Variants in SLC24A2 observed in about 807,000 individuals in gnomAD.
SLC24A2 encodes sodium/potassium/calcium exchanger 2.
In SLC24A2, 36 loss-of-function variants were observed where a neutral mutation model predicts 62.0. The observed-to-expected ratio is 0.58, with a 90% confidence interval of 0.44 to 0.77. The LOEUF (loss-of-function observed/expected upper bound fraction) is 0.77, where lower values mean the gene tolerates loss of function less well. Ranked by LOEUF, SLC24A2 falls within the 30% of genes least tolerant of loss-of-function variation. SLC24A2 has a pLI of 0.00. For synonymous variants in SLC24A2, 358 were observed against 294.0 expected, an observed-to-expected ratio of 1.22 and a Z score of -2.23; for missense variants, 846 against 817.9, an observed-to-expected ratio of 1.03 and a Z score of -0.42.
At chr9:19,687,327 A>G (rs1376610028) in intron 2 of SLC24A2, among the ~76,000 whole-genome samples, 1 of 152,130 alleles carries the variant, frequency 6.6e-6, no homozygotes, top group Non-Finnish European at 1.5e-5. Context: ...TGGGGTATGT[A>G]ATGTATAAAA....
the SLC24A2 span, among the ~76,000 whole-genome samples, chr9:20,167,508 T>G: frequency 6.6e-6 from 1 of 152,064 alleles, no homozygotes; most frequent in African/African-American, 2.4e-5. Flanking sequence ...GGTAGGCAGA[T>G]AAAGACCTAG....
At chr9:19,969,118 C>T in the SLC24A2 span, among the ~76,000 whole-genome samples, 18 of 149,530 alleles carry the variant, frequency 1.2e-4, no homozygotes, top group Non-Finnish European at 1.5e-5. Flanking sequence ...GTGTTTTAAA[C>T]CTGAATTCCT....
At chr9:19,594,543 C>G (rs1004335330) in intron 5 of SLC24A2, among the ~76,000 whole-genome samples, 10 of 152,272 alleles carry the variant, frequency 6.6e-5, no homozygotes, top group African/African-American at 2.4e-4. Flanking sequence ...GTCATGACCT[C>G]ACACAACATC....
chr9:19,533,778 T>TG (rs1833819147), intron 8 of SLC24A2, among the ~76,000 whole-genome samples: 1 of 152,198 alleles, frequency 6.6e-6, no homozygotes, highest in Non-Finnish European at 1.5e-5. Flanking sequence ...GCCACTAGGT[T>TG]GGGGTGGTAT....
chr9:20,173,629 A>T, the SLC24A2 span, among the ~76,000 whole-genome samples: 1 of 152,114 alleles, frequency 6.6e-6, no homozygotes, highest in African/African-American at 2.4e-5. Context: ...AACCTTAGGA[A>T]TATACCTAAC....
chr9:20,230,446 T>C, the SLC24A2 span, among the ~76,000 whole-genome samples: 1 of 152,232 alleles, frequency 6.6e-6, no homozygotes, highest in Admixed American at 6.5e-5. Context: ...TGACATGGTA[T>C]CTCATTGTGG....
intron 2 of SLC24A2, among the ~76,000 whole-genome samples, chr9:19,769,397 G>A (rs1454138948): frequency 6.6e-6 from 1 of 152,202 alleles, no homozygotes; most frequent in African/African-American, 2.4e-5. Flanking sequence ...GGGTCACTCT[G>A]CTCACACACT....
At chr9:19,556,295 C>T (rs4977559) in intron 7 of SLC24A2, among the ~76,000 whole-genome samples, 112,670 of 152,164 alleles carry the variant, frequency 0.74, 43,238 homozygotes, top group East Asian at 1. Flanking sequence ...ATCAGGTCTT[C>T]GGTGGAGAAG....
At chr9:19,689,838 T>A (rs557837482) in intron 2 of SLC24A2, among the ~76,000 whole-genome samples, 1 of 152,282 alleles carries the variant, frequency 6.6e-6, no homozygotes, top group Non-Finnish European at 1.5e-5. Context: ...ACATTACTTC[T>A]GCGTGTGTCT....
intron 5 of SLC24A2, 149 bp from the exon 6 acceptor site, chr9:19,577,171 A>C (rs1586987573): frequency 1.4e-6 from 1 of 727,256 alleles, no homozygotes; most frequent in East Asian, 2.6e-5. Flanking sequence ...ACCTTCCTGA[A>C]GGGTACTTTC....
At chr9:20,124,984 G>A in the SLC24A2 span, among the ~76,000 whole-genome samples, 3 of 152,152 alleles carry the variant, frequency 2.0e-5, no homozygotes, top group African/African-American at 7.2e-5. Flanking sequence ...AATAGATCTA[G>A]ATTCAAATCC....
intron 2 of SLC24A2, among the ~76,000 whole-genome samples, chr9:19,736,532 T>A (rs1275774346): frequency 3.3e-5 from 5 of 152,048 alleles, no homozygotes; most frequent in Non-Finnish European, 7.4e-5. Flanking sequence ...TTTAAAGCCA[T>A]AAGAATTTCT....
At chr9:19,606,775 C>T (rs1836995585) in intron 4 of SLC24A2, among the ~76,000 whole-genome samples, 1 of 152,116 alleles carries the variant, frequency 6.6e-6, no homozygotes, top group Non-Finnish European at 1.5e-5. Context: ...TCCTTTGAGC[C>T]CGGGGACAAC....
chr9:19,837,849 T>C, the SLC24A2 span, among the ~76,000 whole-genome samples: 11 of 151,816 alleles, frequency 7.2e-5, no homozygotes, highest in Admixed American at 3.3e-4. Context: ...TACCTAGGAA[T>C]CCAACTTACA....
the SLC24A2 span, among the ~76,000 whole-genome samples, chr9:20,074,222 G>C: frequency 1.3e-4 from 19 of 151,950 alleles, no homozygotes; most frequent in Non-Finnish European, 2.6e-4. Context: ...TCCAGCAGGA[G>C]ACTGTGGTAT....
the SLC24A2 span, among the ~76,000 whole-genome samples, chr9:19,887,660 A>G: frequency 6.6e-6 from 1 of 152,212 alleles, no homozygotes; most frequent in African/African-American, 2.4e-5. Context: ...TCAAAGAACT[A>G]AAAGTGGAAC....
At chr9:19,889,633 C>T in the SLC24A2 span, among the ~76,000 whole-genome samples, 6 of 152,158 alleles carry the variant, frequency 3.9e-5, no homozygotes, top group Admixed American at 1.3e-4. Flanking sequence ...TTAAATTATG[C>T]CATTAACATT....
the SLC24A2 span, among the ~76,000 whole-genome samples, chr9:20,077,992 G>T: frequency 7.0e-6 from 1 of 143,334 alleles, no homozygotes; most frequent in Non-Finnish European, 1.6e-5. Flanking sequence ...TAGGGAATGT[G>T]CAGATGCTGG....
chr9:19,766,032 T>C (rs571230239), intron 2 of SLC24A2, among the ~76,000 whole-genome samples: 2 of 152,332 alleles, frequency 1.3e-5, no homozygotes, highest in East Asian at 1.9e-4. Context: ...CTTCATGCTT[T>C]ATTTCATTAA....
Sources: gnomAD v4.1 joint callset for allele counts (sites outside exome capture counted in the v4.1 genomes callset) on GRCh38, gnomAD v4.1.1 for gene constraint, MANE v1.5 for transcripts, NCBI Gene and HGNC (gene_info 2026-07-23, HGNC 2026-07-21) for gene names.